Variants in TCF20 observed in about 807,000 individuals in gnomAD.
TCF20 encodes the protein SPRE-binding protein.
In TCF20, 3 loss-of-function variants were observed where a neutral mutation model predicts 148.6. The observed-to-expected ratio is 0.02, with a 90% CI of 0.01 to 0.05. The LOEUF (loss-of-function observed/expected upper bound fraction) is 0.05. Ranked by LOEUF, TCF20 falls within the 10% of genes least tolerant of loss-of-function variation. TCF20 has a pLI of 1.00. For missense variants in TCF20, 2,350 were observed against 2,429.3 expected, an observed-to-expected ratio of 0.97 and a Z score of 0.69; for synonymous variants, 1,049 against 909.5, an observed-to-expected ratio of 1.15 and a Z score of -2.76.
chr22:42,223,430 T>G (rs1228154680), intron 1 of TCF20, among the ~76,000 whole-genome samples: 2 of 152,174 alleles, frequency 1.3e-5, no homozygotes, highest in Non-Finnish European at 2.9e-5. Context: ...GACACACACT[T>G]GGGTCAGATC....
At chr22:42,332,399 C>T (rs562857850) in intron 1 of TCF20, among the ~76,000 whole-genome samples, 1 of 152,286 alleles carries the variant, frequency 6.6e-6, no homozygotes, top group South Asian at 2.1e-4. Context: ...GGGAGGATCT[C>T]GGTCTCATTC....
chr22:42,160,044 A>AT lies in TCF20; in HGVS notation c.*1358dup, dbSNP rs988312104. The AT allele has an allele frequency of 1.3e-5, 2 of 152,464 alleles. No homozygotes were observed. Among genetic ancestry groups the AT allele is most frequent in the African/African-American group, 4.8e-5 (2 of 41,392 alleles). 9.4% of individuals were successfully genotyped at this position (152,464 alleles called of 1,614,324 possible). ...TAAAATGAAGTTTATTATTTTTTTG[A>AT]TTTTTTGATTTTTTTTGTTTTTTGT... On this transcript the variant is annotated 3_prime_UTR_variant, in exon 6 of 6. Transcript: ENST00000677622.
chr22:42,244,512 G>A (rs75628172), intron 1 of TCF20, among the ~76,000 whole-genome samples: 2,130 of 152,180 alleles, frequency 0.014, 19 homozygotes, highest in Non-Finnish European at 0.023. Context: ...AAAACACTAC[G>A]CGCTAAGTGA....
At chr22:42,206,247 C>T (rs1196084396) in intron 2 of TCF20, among the ~76,000 whole-genome samples, 1 of 152,144 alleles carries the variant, frequency 6.6e-6, no homozygotes, top group Non-Finnish European at 1.5e-5. Flanking sequence ...GTCACATACA[C>T]ATATGCACAT....
At chr22:42,221,970 C>T (rs1922415478) in intron 1 of TCF20, among the ~76,000 whole-genome samples, 2 of 151,760 alleles carry the variant, frequency 1.3e-5, no homozygotes, top group Non-Finnish European at 2.9e-5. Flanking sequence ...GATCTCCTGA[C>T]CTCATGATCC....
At position 42,210,136 on chromosome 22, in the gene TCF20, A is replaced by G. The variant is rs1222209133; in HGVS notation, c.5170T>C (p.Phe1724Leu). The G allele has an allele frequency of 1.2e-6, 2 of 1,614,142 alleles. No individual in the cohort carries two copies. The highest frequency in any genetic ancestry group is 1.7e-6 in the Non-Finnish European group (2 of 1,180,034). Residue 1724 changes from phenylalanine (F) to leucine (L), a missense_variant, in exon 2 of 6, where the codon TTT (phenylalanine) becomes CTT (leucine). Phe to Leu is a conservative substitution (Grantham distance 22). Coordinates refer to ENST00000677622, the MANE Select transcript of TCF20 (RefSeq NM_001378418.1). The surrounding 1 kb of genome is among the most constrained non-coding windows in gnomAD (Gnocchi z 4.7). ...YRNMGDLFGP[F>L]YPQDYAATLP... Reference sequence around the variant, plus strand: ...GTGGCTGCATAATCTTGGGGATAAAAAGGTCCAAAGAGGTCACCCATGTTC... The same window carrying G: ...GTGGCTGCATAATCTTGGGGATAAAGAGGTCCAAAGAGGTCACCCATGTTC...
chr22:42,257,836 C>T (rs184364606), intron 1 of TCF20, among the ~76,000 whole-genome samples: 18 of 152,332 alleles, frequency 1.2e-4, no homozygotes, highest in African/African-American at 3.8e-4. Flanking sequence ...GAGCCCAGCA[C>T]GGAAGAGATG....
At chr22:42,291,096 C>T (rs1927124487) in intron 1 of TCF20, among the ~76,000 whole-genome samples, 1 of 152,168 alleles carries the variant, frequency 6.6e-6, no homozygotes, top group African/African-American at 2.4e-5. Context: ...CATGCCCCAT[C>T]CTTCCCGTCT....
intron 2 of TCF20, among the ~76,000 whole-genome samples, chr22:42,203,807 C>CAGTTGTAGCAAGCACAGAGGA (rs1395406181): frequency 6.6e-6 from 1 of 152,000 alleles, no homozygotes; most frequent in African/African-American, 2.4e-5. Flanking sequence ...TGAGAAAGGG[C>CAGTTGTAGCAAGCACAGAGGA]AGTTGTAGCA....
chr22:42,301,038 G>T (rs1344391473), intron 1 of TCF20, among the ~76,000 whole-genome samples: 1 of 152,160 alleles, frequency 6.6e-6, no homozygotes, highest in Non-Finnish European at 1.5e-5. Context: ...GGTGGCGGTA[G>T]GGGAGTCTCC....
At chr22:42,245,140 A>G (rs903867967) in intron 1 of TCF20, among the ~76,000 whole-genome samples, 2 of 152,234 alleles carry the variant, frequency 1.3e-5, no homozygotes, top group Non-Finnish European at 2.9e-5. Context: ...AGAAGAACCT[A>G]GGACATGCAA....
chr22:42,324,401 A>G, intron 1 of TCF20, among the ~76,000 whole-genome samples: 1 of 152,086 alleles, frequency 6.6e-6, no homozygotes, highest in Non-Finnish European at 1.5e-5. Context: ...AAGTAGTGAT[A>G]GAAGAAAATA....
intron 1 of TCF20, among the ~76,000 whole-genome samples, chr22:42,242,224 A>AAAAAAAAAAAAAAAAAAAAAAAAAAAC (rs1555942548): frequency 6.8e-6 from 1 of 147,692 alleles, no homozygotes; most frequent in African/African-American, 2.6e-5. Flanking sequence ...AAAAAAAAAA[A>AAAAAAAAAAAAAAAAAAAAAAAAAAAC]AAACAGAAAA....
chr22:42,192,730 A>T (rs1242059080), intron 2 of TCF20, among the ~76,000 whole-genome samples: 1 of 152,212 alleles, frequency 6.6e-6, no homozygotes, highest in African/African-American at 2.4e-5. Flanking sequence ...CAACAACATG[A>T]GACATAGTCT....
At chr22:42,332,990 T>C (rs1168882818) in intron 1 of TCF20, among the ~76,000 whole-genome samples, 3 of 152,208 alleles carry the variant, frequency 2.0e-5, no homozygotes, top group African/African-American at 7.2e-5. Context: ...TGGATCTGGA[T>C]GGAGGCTGCA....
intron 1 of TCF20, among the ~76,000 whole-genome samples, chr22:42,308,380 C>G (rs6002678): frequency 0.45 from 69,063 of 152,006 alleles, 16,120 homozygotes; most frequent in East Asian, 0.62. Flanking sequence ...ACATGTGACT[C>G]AGACAGAGGG....
chr22:42,325,388 C>A lies in TCF20; in HGVS notation c.-37+18091G>T, dbSNP rs528640540. Among the ~76,000 whole-genome samples the A allele has an allele frequency of 2.0e-5, 3 of 152,192 alleles. No individual in the cohort carries two copies. In the East Asian group the frequency reaches 5.8e-4, roughly 29 times the overall value. ...CCCACTCAGCCACTCCTCACCTCAA[C>A]AGGTGGGGCCCTTGGGGCCAGGCCC... On this transcript the variant is annotated intron_variant, in intron 1 of 1. Transcript: ENST00000515426.
At chr22:42,189,500 C>T (rs1937217833) in intron 2 of TCF20, among the ~76,000 whole-genome samples, 1 of 152,184 alleles carries the variant, frequency 6.6e-6, no homozygotes, top group South Asian at 2.1e-4. Flanking sequence ...TGGGTAACTA[C>T]GAGAAACCTT....
intron 1 of TCF20, among the ~76,000 whole-genome samples, chr22:42,218,237 C>G (rs1345339569): frequency 5.3e-5 from 8 of 152,210 alleles, no homozygotes; most frequent in Admixed American, 5.2e-4. Context: ...ATGTTTTTAA[C>G]ATTACATTGC....
Sources: allele counts gnomAD v4.1 joint callset (sites outside exome capture counted in the v4.1 genomes callset), GRCh38; gene constraint gnomAD v4.1.1; non-coding constraint Gnocchi (gnomAD v3.1); transcripts MANE v1.5; gene names NCBI Gene and HGNC (gene_info 2026-07-23, HGNC 2026-07-21).